Variants in ARHGEF7 observed in about 807,000 individuals in gnomAD.
ARHGEF7 encodes the protein PAK-interacting exchange factor beta.
Under a neutral mutation model 109.8 loss-of-function variants are expected in ARHGEF7, and 33 were observed. The observed-to-expected ratio is 0.30, with a 90% CI of 0.23 to 0.40. ARHGEF7 has a LOEUF of 0.40. Ranked by LOEUF, ARHGEF7 falls within the 10% of genes least tolerant of loss-of-function variation. The pLI, the probability that ARHGEF7 is intolerant of heterozygous loss-of-function variation, is 1.00. For synonymous variants in ARHGEF7, 458 were observed against 424.6 expected (o/e 1.08, Z -0.97); for missense variants, 938 against 1,098.5 (o/e 0.85, Z 2.07).
At chr13:111,115,238 G>C (rs1259045735), upstream of ARHGEF7, 1 of 147,264 alleles carries the variant, frequency 6.8e-6, no homozygotes, top group African/African-American at 2.4e-5. Flanking sequence ...GCGGACGGCC[G>C]CGTCTTTCTT....
chr13:111,261,221 C>CA (rs1163606477), intron 8 of ARHGEF7, among the ~76,000 whole-genome samples: 1 of 151,082 alleles, frequency 6.6e-6, no homozygotes, highest in Non-Finnish European at 1.5e-5. Context: ...ACCAAAAAGA[C>CA]AAAAAACCCA....
At chr13:111,192,201 G>A (rs1307716734) in intron 2 of ARHGEF7, among the ~76,000 whole-genome samples, 2 of 152,148 alleles carry the variant, frequency 1.3e-5, no homozygotes, top group Non-Finnish European at 2.9e-5. Flanking sequence ...CTCAGCGGGT[G>A]TCCAAAATTT....
chr13:111,166,969 C>T (rs1349630304), intron 2 of ARHGEF7, among the ~76,000 whole-genome samples: 3 of 152,044 alleles, frequency 2.0e-5, no homozygotes, highest in Non-Finnish European at 4.4e-5. Context: ...GAAGGAATAC[C>T]TGGTGAAGGG....
chr13:111,224,798 A>G (rs1379019286), intron 5 of ARHGEF7, among the ~76,000 whole-genome samples: 1 of 152,208 alleles, frequency 6.6e-6, no homozygotes, highest in Admixed American at 6.5e-5. Flanking sequence ...AGTACCCCAG[A>G]ACCTTGCCTT....
At chr13:111,154,086 C>G in intron 2 of ARHGEF7, 95 bp downstream of exon 2, 1 of 1,249,754 alleles carries the variant, frequency 8.0e-7, no homozygotes, top group Non-Finnish European at 1.1e-6. Flanking sequence ...CCTGCCTCCT[C>G]CGCGCCCGGA....
intron 12 of ARHGEF7, among the ~76,000 whole-genome samples, chr13:111,277,172 T>G (rs140047917): frequency 1.3e-5 from 2 of 152,328 alleles, no homozygotes; most frequent in South Asian, 2.1e-4. Context: ...TTATAGGTTC[T>G]CTCCTTTTTC....
At chr13:111,165,578 G>T (rs756373767) in intron 2 of ARHGEF7, among the ~76,000 whole-genome samples, 1 of 152,250 alleles carries the variant, frequency 6.6e-6, no homozygotes, top group East Asian at 1.9e-4. Flanking sequence ...AAGCGTTCTG[G>T]TTTGTTTATC....
chr13:111,291,319 C>T (rs1178386508), intron 18 of ARHGEF7, among the ~76,000 whole-genome samples: 1 of 152,282 alleles, frequency 6.6e-6, no homozygotes, highest in Non-Finnish European at 1.5e-5. Flanking sequence ...GCCACTTCCT[C>T]TGTCATTCTC....
At chr13:111,171,979 C>T (rs1270172657) in intron 2 of ARHGEF7, among the ~76,000 whole-genome samples, 1 of 152,214 alleles carries the variant, frequency 6.6e-6, no homozygotes, top group Non-Finnish European at 1.5e-5. Flanking sequence ...CTTGGACTTC[C>T]CAGTTCCAGA....
At chr13:111,190,631 A>G (rs571944885) in intron 2 of ARHGEF7, among the ~76,000 whole-genome samples, 23 of 152,256 alleles carry the variant, frequency 1.5e-4, no homozygotes, top group African/African-American at 4.8e-4. Context: ...TCTTAACCCT[A>G]TAAGTAGGGG....
At chr13:111,251,130 G>A (rs954197965) in intron 8 of ARHGEF7, among the ~76,000 whole-genome samples, 1 of 152,230 alleles carries the variant, frequency 6.6e-6, no homozygotes, top group Non-Finnish European at 1.5e-5. Context: ...CCTGTAAGCT[G>A]TCTAGGGGCC....
At chr13:111,191,540 G>A (rs1039923746) in intron 2 of ARHGEF7, among the ~76,000 whole-genome samples, 1 of 152,158 alleles carries the variant, frequency 6.6e-6, no homozygotes. Context: ...AGGGTGATAG[G>A]TTAAGTTGGT....
intron 5 of ARHGEF7, among the ~76,000 whole-genome samples, chr13:111,227,887 C>A (rs189888295): frequency 6.6e-6 from 1 of 152,338 alleles, no homozygotes; most frequent in African/African-American, 2.4e-5. Context: ...CCACATTCTG[C>A]CTTTACTCAC....
chr13:111,297,838 G>A (rs2093461047), intron 19 of ARHGEF7, among the ~76,000 whole-genome samples: 1 of 152,210 alleles, frequency 6.6e-6, no homozygotes. Flanking sequence ...GTTGGAAACA[G>A]ATGATATAAA....
At chr13:111,151,978 G>A (rs1292165825) in intron 1 of ARHGEF7, among the ~76,000 whole-genome samples, 1 of 152,122 alleles carries the variant, frequency 6.6e-6, no homozygotes, top group Non-Finnish European at 1.5e-5. Flanking sequence ...GTCCATATAT[G>A]ACTGAGAGTG....
At chr13:111,291,032 C>T (rs80170984) in intron 18 of ARHGEF7, among the ~76,000 whole-genome samples, 2,174 of 152,354 alleles carry the variant, frequency 0.014, 47 homozygotes, top group African/African-American at 0.05. Flanking sequence ...GTAAACCAAA[C>T]TTCCTTGGTA....
chr13:111,191,436 G>A (rs1050710305), intron 2 of ARHGEF7, among the ~76,000 whole-genome samples: 2 of 152,190 alleles, frequency 1.3e-5, no homozygotes, highest in South Asian at 2.1e-4. Flanking sequence ...TGGATTGCAC[G>A]TCCTGTTAGG....
intron 5 of ARHGEF7, among the ~76,000 whole-genome samples, chr13:111,225,828 A>G (rs965190655): frequency 6.6e-6 from 1 of 152,202 alleles, no homozygotes; most frequent in Non-Finnish European, 1.5e-5. Flanking sequence ...TCCCTGAGAC[A>G]CAAAAATACT....
chr13:111,268,293 C>T (rs374447627), intron 9 of ARHGEF7, among the ~76,000 whole-genome samples: 1 of 151,922 alleles, frequency 6.6e-6, no homozygotes. Flanking sequence ...GAGACCACAC[C>T]GGGGCTTAGA....
Sources: gnomAD v4.1 joint callset for allele counts (sites outside exome capture counted in the v4.1 genomes callset) on GRCh38, gnomAD v4.1.1 for gene constraint, MANE v1.5 for transcripts, NCBI Gene and HGNC (gene_info 2026-07-23, HGNC 2026-07-21) for gene names.